Variants in NTNG1 observed in about 807,000 individuals in gnomAD.
The protein encoded by NTNG1 is netrin-G1.
A neutral mutation model predicts 54.0 loss-of-function variants in NTNG1; 16 were observed. The ratio of observed to expected loss-of-function variants is 0.30; its 90% confidence interval spans 0.20 to 0.45. The LOEUF (loss-of-function observed/expected upper bound fraction) is 0.45. NTNG1 is among the 20% of genes least tolerant of loss of function. The pLI is 1.00. For synonymous variants in NTNG1, 255 were observed against 263.1 expected (o/e 0.97, Z 0.30); for missense variants, 530 against 678.7 (o/e 0.78, Z 2.43).
At chr1:107,460,286 C>A in intron 7 of NTNG1, 1 of 470,648 alleles carries the variant, frequency 2.1e-6, no homozygotes, top group South Asian at 1.6e-5. Context: ...AGCGCACTCC[C>A]AGGTCTTTAG....
intron 7 of NTNG1, among the ~76,000 whole-genome samples, chr1:107,478,219 G>C (rs1159732475): frequency 6.6e-6 from 1 of 152,176 alleles, no homozygotes; most frequent in South Asian, 2.1e-4. Flanking sequence ...TTCTGTATTT[G>C]TTGGAGGACT....
intron 3 of NTNG1, among the ~76,000 whole-genome samples, chr1:107,375,677 C>T (rs1273815795): frequency 6.6e-6 from 1 of 152,128 alleles, no homozygotes; most frequent in Non-Finnish European, 1.5e-5. Context: ...GATTACAACC[C>T]ACAATGAAAC....
intron 2 of NTNG1, among the ~76,000 whole-genome samples, chr1:107,304,869 A>G (rs1012961303): frequency 6.6e-6 from 1 of 151,974 alleles, no homozygotes; most frequent in Admixed American, 6.6e-5. Flanking sequence ...ATTTCTTCTA[A>G]TGCTATCCCT....
chr1:107,427,926 G>T (rs1028934729), intron 5 of NTNG1, among the ~76,000 whole-genome samples: 1 of 152,074 alleles, frequency 6.6e-6, no homozygotes, highest in Non-Finnish European at 1.5e-5. Flanking sequence ...TCTAATAATA[G>T]TAGTGATAAT....
chr1:107,404,333 T>C (rs1673262990), intron 4 of NTNG1, among the ~76,000 whole-genome samples: 1 of 152,134 alleles, frequency 6.6e-6, no homozygotes, highest in Non-Finnish European at 1.5e-5. Context: ...AGCATCAAAC[T>C]GAGCTCTGAG....
intron 3 of NTNG1, among the ~76,000 whole-genome samples, chr1:107,383,533 G>C (rs1671771894): frequency 6.6e-6 from 1 of 152,312 alleles, no homozygotes; most frequent in Admixed American, 6.5e-5. Flanking sequence ...ACCACAGAAT[G>C]GATGAATATG....
At chr1:107,468,399 G>A (rs941676327) in intron 7 of NTNG1, among the ~76,000 whole-genome samples, 1 of 152,030 alleles carries the variant, frequency 6.6e-6, no homozygotes, top group African/African-American at 2.4e-5. Flanking sequence ...ATCTCCTTTC[G>A]GCTGCAGATA....
intron 5 of NTNG1, among the ~76,000 whole-genome samples, chr1:107,429,079 C>A (rs762583792): frequency 1.3e-5 from 2 of 152,090 alleles, no homozygotes; most frequent in Non-Finnish European, 2.9e-5. Context: ...TCCCTGTTCA[C>A]GTACACATGG....
intron 1 of NTNG1, among the ~76,000 whole-genome samples, chr1:107,144,224 G>T (rs1017017614): frequency 6.6e-6 from 1 of 151,942 alleles, no homozygotes; most frequent in African/African-American, 2.4e-5. Context: ...TTATAATTTT[G>T]TATATCTTTA....
chr1:107,185,110 T>A (rs991724368), intron 2 of NTNG1, among the ~76,000 whole-genome samples: 4 of 152,180 alleles, frequency 2.6e-5, no homozygotes, highest in Non-Finnish European at 4.4e-5. Flanking sequence ...TGTGGTGAAC[T>A]CAGAGTAGTC....
At chr1:107,211,721 A>C (rs949084100) in intron 2 of NTNG1, among the ~76,000 whole-genome samples, 1 of 152,174 alleles carries the variant, frequency 6.6e-6, no homozygotes, top group African/African-American at 2.4e-5. Flanking sequence ...AAAATGTCTG[A>C]GCCAGTACAT....
chr1:107,451,429 C>T (rs1190767058), intron 7 of NTNG1, among the ~76,000 whole-genome samples: 2 of 152,006 alleles, frequency 1.3e-5, no homozygotes, highest in East Asian at 1.9e-4. Flanking sequence ...ACACGGTTAA[C>T]CAAAAATGTA....
chr1:107,205,638 A>G (rs975609660), intron 2 of NTNG1, among the ~76,000 whole-genome samples: 13 of 151,428 alleles, frequency 8.6e-5, no homozygotes, highest in African/African-American at 3.2e-4. Flanking sequence ...AAAAAAAACT[A>G]TATAATCCGT....
intron 2 of NTNG1, among the ~76,000 whole-genome samples, chr1:107,180,411 G>A (rs546854774): frequency 5.9e-5 from 9 of 152,206 alleles, no homozygotes; most frequent in African/African-American, 2.2e-4. Context: ...TCAAGACTCA[G>A]TAAGCACATA....
intron 2 of NTNG1, among the ~76,000 whole-genome samples, chr1:107,244,408 CACGTGAGGTATCCTGTATTATG>C (rs1033316534): frequency 3.3e-5 from 5 of 152,168 alleles, no homozygotes; most frequent in African/African-American, 7.2e-5. Flanking sequence ...TGAAATGTGC[CACGTGAGGTATCCTGTATTATG>C]TGCCCGCATC....
At position 107,484,461 on chromosome 1, in the gene NTNG1, T is replaced by C. The variant is rs559531710; in HGVS notation, c.*3621T>C. ...TGTATGACTTTTAAATACTTAGACA[T>C]GTGGCATGGGGTCCTCCATTGGTAC... On this transcript the variant is annotated 3_prime_UTR_variant, in exon 8 of 8. Coordinates refer to ENST00000370068, the MANE Select transcript of NTNG1 (RefSeq NM_001113226.3). 2.6e-5 allele frequency among the ~76,000 whole-genome samples: 4 copies of C among 152,332 alleles called. No homozygotes were observed. The highest frequency in any genetic ancestry group is 9.6e-5 in the African/African-American group (4 of 41,570).
intron 3 of NTNG1, among the ~76,000 whole-genome samples, chr1:107,326,174 T>C (rs1017747470): frequency 6.6e-6 from 1 of 152,090 alleles, no homozygotes; most frequent in African/African-American, 2.4e-5. Context: ...GGAAAAGCAG[T>C]AGAAACTGGT....
At chr1:107,474,950 A>T (rs1678215753) in intron 7 of NTNG1, among the ~76,000 whole-genome samples, 1 of 152,224 alleles carries the variant, frequency 6.6e-6, no homozygotes, top group South Asian at 2.1e-4. Flanking sequence ...ACAGGGGAAG[A>T]GGAAATGACA....
Position 107,342,959 on chromosome 1 carries a change from C to T in NTNG1, c.887+18037C>T, listed in dbSNP as rs567426976. 1.7e-3 allele frequency among the ~76,000 whole-genome samples: 262 copies of T among 152,240 alleles called. 1 individual carries two copies. Among genetic ancestry groups the T allele is most frequent in the Non-Finnish European group, 2.8e-3 (188 of 68,006 alleles). On this transcript the variant is annotated intron_variant, in intron 3 of 7. Transcript: ENST00000370068. ...GCTATTCCTTTGCAGCTATAGATCA[C>T]TGGTAAGTTGCTGGCTGATGATGAA...
Sources: allele counts gnomAD v4.1 joint callset (sites outside exome capture counted in the v4.1 genomes callset), GRCh38; gene constraint gnomAD v4.1.1; transcripts MANE v1.5; gene names NCBI Gene and HGNC (gene_info 2026-07-23, HGNC 2026-07-21).